ADAMTS2: variants seen among roughly 807,000 people sequenced by gnomAD.
ADAMTS2 encodes the protein A disintegrin and metalloproteinase with thrombospondin motifs 2.
A neutral mutation model predicts 123.0 loss-of-function variants in ADAMTS2; 50 were observed. The ratio of observed to expected loss-of-function variants is 0.41; its 90% CI spans 0.32 to 0.51. The LOEUF (loss-of-function observed/expected upper bound fraction) is 0.51, where lower values mean the gene tolerates loss of function less well. Ranked by LOEUF, ADAMTS2 falls within the 20% of genes least tolerant of loss-of-function variation. The probability of loss-of-function intolerance (pLI) is 0.35; values close to 1 mark genes in which losing one functional copy is unlikely to be tolerated. For missense variants in ADAMTS2, 1,494 were observed against 1,705.2 expected (o/e 0.88, Z 2.18); for synonymous variants, 678 against 695.4 (o/e 0.98, Z 0.39).
At chr5:179,161,972 C>T (rs1052939233) in intron 5 of ADAMTS2, among the ~76,000 whole-genome samples, 1 of 152,124 alleles carries the variant, frequency 6.6e-6, no homozygotes, top group Non-Finnish European at 1.5e-5. Flanking sequence ...GTGGCAGGGC[C>T]CCTGCTGCAG....
chr5:179,154,842 AC>A lies in ADAMTS2; in HGVS notation c.1209del (p.Phe404LeufsTer53). The A allele has an allele frequency of 6.2e-7, 1 of 1,613,078 alleles. No individual in the cohort carries two copies. The highest frequency in any genetic ancestry group is 8.5e-7 in the Non-Finnish European group (1 of 1,179,722). On this transcript the variant is annotated frameshift_variant, in exon 7 of 22. Coordinates refer to ENST00000251582, the MANE Select transcript of ADAMTS2 (RefSeq NM_014244.5). LOFTEE classifies it high-confidence loss of function. ...TLNHEDGFSS[A>X]FVVAHETGHV... ...TGGCCAGTCTCATGGGCCACCACAA[AC>A]GCTGAGGAGAAGCCGTCCTCATGGT...
At chr5:179,160,786 G>A (rs1025111703) in intron 5 of ADAMTS2, among the ~76,000 whole-genome samples, 1 of 152,214 alleles carries the variant, frequency 6.6e-6, no homozygotes, top group Non-Finnish European at 1.5e-5. Flanking sequence ...AGGGCAAGGG[G>A]AGGTGCACTT....
rs1763369350 is a variant in ADAMTS2, at chr5:179,152,055, C to T, written c.1629+87G>A. ...TCCCCTGAGAGGGCCCCCACCCCCA[C>T]TTCAGGGCCTGTCCCTGGTGACCCG... On this transcript the variant is annotated intron_variant, in intron 10 of 21. Coordinates refer to ENST00000251582, the MANE Select transcript of ADAMTS2 (RefSeq NM_014244.5). The T allele has an allele frequency of 2.5e-5, 32 of 1,281,254 alleles. No individual in the cohort carries two copies. The South Asian group carries it at 3.6e-4, about 14-fold the overall frequency. 79.4% of individuals were successfully genotyped at this position (1,281,254 alleles called of 1,614,324 possible). A position where few individuals can be genotyped will look rare whatever the true frequency, so the allele number is the denominator to read the frequency against.
At chr5:179,220,516 C>T (rs928996592) in intron 3 of ADAMTS2, among the ~76,000 whole-genome samples, 4 of 152,306 alleles carry the variant, frequency 2.6e-5, no homozygotes, top group East Asian at 1.9e-4. Context: ...CGTGCACCTC[C>T]GGCTGCACTG....
chr5:179,278,698 C>T (rs1318191568), intron 2 of ADAMTS2, among the ~76,000 whole-genome samples: 3 of 151,936 alleles, frequency 2.0e-5, no homozygotes, highest in African/African-American at 7.3e-5. Flanking sequence ...AGGTTCTCCC[C>T]TGGGGGACAG....
At chr5:179,305,464 A>G (rs185414030) in intron 2 of ADAMTS2, among the ~76,000 whole-genome samples, 1 of 152,322 alleles carries the variant, frequency 6.6e-6, no homozygotes, top group Admixed American at 6.5e-5. Flanking sequence ...TGATTTGAAA[A>G]AGACTCTGAA....
intron 4 of ADAMTS2, among the ~76,000 whole-genome samples, chr5:179,184,667 C>T (rs1764129639): frequency 2.0e-5 from 3 of 152,122 alleles, no homozygotes; most frequent in Admixed American, 6.5e-5. Context: ...CTAAACTGAC[C>T]CTGGCCTCTT....
intron 4 of ADAMTS2, among the ~76,000 whole-genome samples, chr5:179,206,368 T>A (rs1282177365): frequency 1.3e-5 from 2 of 152,110 alleles, no homozygotes; most frequent in Non-Finnish European, 2.9e-5. Context: ...TCACCCCTGG[T>A]CCGAAAAGCA....
At chr5:179,240,931 C>T (rs1581214026) in intron 3 of ADAMTS2, among the ~76,000 whole-genome samples, 1 of 152,322 alleles carries the variant, frequency 6.6e-6, no homozygotes, top group Middle Eastern at 3.4e-3. Flanking sequence ...TCTATGGATG[C>T]CGCAGAAGAC....
chr5:179,192,738 C>A (rs1764335168), intron 4 of ADAMTS2, among the ~76,000 whole-genome samples: 1 of 152,242 alleles, frequency 6.6e-6, no homozygotes, highest in Admixed American at 6.5e-5. Context: ...GAAGTTTCCT[C>A]ACTCTGTGAA....
At chr5:179,330,793 A>G (rs1387336843) in intron 2 of ADAMTS2, among the ~76,000 whole-genome samples, 1 of 152,158 alleles carries the variant, frequency 6.6e-6, no homozygotes, top group Non-Finnish European at 1.5e-5. Context: ...CCAACAGGAA[A>G]GACAGCCCAA....
At chr5:179,191,078 G>A (rs34330133) in intron 4 of ADAMTS2, among the ~76,000 whole-genome samples, 2 of 152,348 alleles carry the variant, frequency 1.3e-5, no homozygotes, top group South Asian at 2.1e-4. Flanking sequence ...GCTGCAGAAC[G>A]GGGAAGGACC....
chr5:179,283,349 TAC>T (rs1238253832), intron 2 of ADAMTS2, among the ~76,000 whole-genome samples: 2 of 151,848 alleles, frequency 1.3e-5, no homozygotes, highest in Admixed American at 1.3e-4. Flanking sequence ...AAAAAGGAAT[TAC>T]AGTTTAATTG....
In ADAMTS2 at chr5:179,234,790, C is replaced by T. The variant is rs2113437989; in HGVS notation, c.689-27075G>A. 6.6e-6 allele frequency among the ~76,000 whole-genome samples: 1 copy of T among 152,274 alleles called. No homozygotes were observed. Among genetic ancestry groups the T allele is most frequent in the Non-Finnish European group, 1.5e-5 (1 of 68,008 alleles). On this transcript the variant is annotated intron_variant, in intron 3 of 21. Transcript: ENST00000251582. The surrounding 1 kb of genome is among the most constrained non-coding windows in gnomAD (Gnocchi z 4.7). ...TGCAGCAGCCTCCTCCCAGACCTGG[C>T]CCCATCCGCTGCTGCTCCCTGCCCT...
At chr5:179,169,777 C>T (rs1384488765) in intron 5 of ADAMTS2, among the ~76,000 whole-genome samples, 3 of 152,230 alleles carry the variant, frequency 2.0e-5, no homozygotes, top group Non-Finnish European at 4.4e-5. Flanking sequence ...CCTCTCTTCT[C>T]GTGCTTTCCA....
intron 2 of ADAMTS2, among the ~76,000 whole-genome samples, chr5:179,287,858 C>G (rs1040503603): frequency 6.6e-5 from 10 of 152,216 alleles, no homozygotes; most frequent in African/African-American, 2.4e-4. Context: ...CCCTTAGAAG[C>G]AGGGGCAGAC....
rs1203398649 is a variant in ADAMTS2, at chr5:179,130,962, T to C, written c.2291-864A>G. 2.0e-5 allele frequency among the ~76,000 whole-genome samples: 3 copies of C among 152,146 alleles called. No individual in the cohort carries two copies. The highest frequency in any genetic ancestry group is 4.4e-5 in the Non-Finnish European group (3 of 68,026). ...TTTTGTTCAGAAACTGACTTTTCTG[T>C]TCACCTGCTTCAGGCAAGTGGTACA... On this transcript the variant is annotated intron_variant, in intron 15 of 21. Coordinates refer to ENST00000251582, the MANE Select transcript of ADAMTS2 (RefSeq NM_014244.5). This position sits in a 1 kb window ranked among gnomAD's most constrained non-coding sequence, Gnocchi z 4.3.
intron 4 of ADAMTS2, among the ~76,000 whole-genome samples, chr5:179,198,671 TA>T: frequency 6.6e-6 from 1 of 151,914 alleles, no homozygotes; most frequent in East Asian, 1.9e-4. Flanking sequence ...CCGTCTCTAC[TA>T]AAAATATAAA....
intron 17 of ADAMTS2, among the ~76,000 whole-genome samples, chr5:179,126,423 T>G (rs926340648): frequency 6.6e-6 from 1 of 152,234 alleles, no homozygotes; most frequent in Admixed American, 6.5e-5. Context: ...TAGGCACCGC[T>G]TCTACCTTGA....
Sources: gnomAD v4.1 joint callset for allele counts (sites outside exome capture counted in the v4.1 genomes callset) on GRCh38, gnomAD v4.1.1 for gene constraint, Gnocchi (gnomAD v3.1) non-coding constraint, MANE v1.5 for transcripts, NCBI Gene and HGNC (gene_info 2026-07-23, HGNC 2026-07-21) for gene names.